Variants in DNAH3 observed in about 807,000 individuals in gnomAD.
DNAH3 encodes dynein axonemal heavy chain 3.
A neutral mutation model predicts 432.5 loss-of-function variants in DNAH3; 332 were observed. That is an observed-to-expected ratio of 0.77 (90% confidence interval 0.70 to 0.84). The LOEUF is 0.84. DNAH3 is among the 40% of genes least tolerant of loss of function. The pLI, the probability that DNAH3 is intolerant of heterozygous loss-of-function variation, is 0.00. For missense variants in DNAH3, 4,861 were observed against 5,114.0 expected (o/e 0.95, Z 1.51); for synonymous variants, 1,956 against 1,900.2 (o/e 1.03, Z -0.76).
intron 37 of DNAH3, among the ~76,000 whole-genome samples, chr16:21,029,502 C>G (rs9922592): frequency 0.24 from 36,319 of 151,972 alleles, 4,546 homozygotes; most frequent in Admixed American, 0.31. Context: ...ATAAGGTAGA[C>G]GCTATCGTCC....
Position 20,977,220 on chromosome 16 carries a change from C to T in DNAH3, c.8077-1805G>A, listed in dbSNP as rs112825738. On this transcript the variant is annotated intron_variant, in intron 50 of 61. Transcript: ENST00000261383. ...GGAGAAACCCTGTCCCTACTAAAAA[C>T]GCAAAAATTAGCCAGGCGCTGTGGC... Among the ~76,000 whole-genome samples, 306 of 152,078 alleles carry T rather than the reference C, an allele frequency of 2.0e-3. 1 individual carries two copies. Among genetic ancestry groups the T allele is most frequent in the African/African-American group, 5.6e-3 (233 of 41,476 alleles).
exon 30 of DNAH3, chr16:21,049,997 C>A: frequency 6.2e-7 from 1 of 1,614,138 alleles, no homozygotes; most frequent in Non-Finnish European, 8.5e-7. Flanking sequence ...CAAGGTTCAG[C>A]TTCAAAGCTC....
chr16:21,075,612 C>T (rs779575909), intron 20 of DNAH3, 51 bp from the exon 21 acceptor site: 2 of 1,426,536 alleles, frequency 1.4e-6, no homozygotes, highest in Admixed American at 1.7e-5. Flanking sequence ...AGAGAAGACA[C>T]ATCAAAGGAG....
At chr16:21,046,771 C>T (rs892829298) in intron 31 of DNAH3, among the ~76,000 whole-genome samples, 28 of 152,002 alleles carry the variant, frequency 1.8e-4, no homozygotes, top group African/African-American at 5.8e-4. Context: ...TTCCTAGTCT[C>T]GATGGTCTTT....
exon 59 of DNAH3, chr16:20,941,541 T>A: frequency 1.2e-6 from 2 of 1,613,978 alleles, no homozygotes; most frequent in Non-Finnish European, 1.7e-6. Context: ...CCTCAACCAC[T>A]TCCTTAAAAT....
In DNAH3 at chr16:21,058,237, T is replaced by C. The variant is rs747550421; in HGVS notation, c.3814-41A>G. 4 of 1,300,372 alleles carry C rather than the reference T, an allele frequency of 3.1e-6. No individual in the cohort carries two copies. In the African/African-American group the frequency reaches 4.4e-5, roughly 14 times the overall value. 80.6% of individuals were successfully genotyped at this position (1,300,372 alleles called of 1,614,324 possible). A position where few individuals can be genotyped will look rare whatever the true frequency, so the allele number is the denominator to read the frequency against. On this transcript the variant is annotated intron_variant, in intron 26 of 61. Coordinates refer to ENST00000261383, the Ensembl canonical transcript of DNAH3. ...GGGCATGTTATAGGATCAGTTCACG[T>C]GTGGTTTAAACTGAGTTTACGAAAA...
At chr16:21,002,827 T>A (rs1314249123) in intron 42 of DNAH3, among the ~76,000 whole-genome samples, 1 of 152,162 alleles carries the variant, frequency 6.6e-6, no homozygotes, top group African/African-American at 2.4e-5. Flanking sequence ...GCCCCTAGCA[T>A]GTGCCATGTG....
At chr16:21,003,033 T>C in intron 42 of DNAH3, 71 bp downstream of exon 42, 1 of 1,047,408 alleles carries the variant, frequency 9.5e-7, no homozygotes, top group East Asian at 2.4e-5. Flanking sequence ...AGACTGTTAA[T>C]TCTTCCACCT....
chr16:21,037,723 G>A (rs748484915), intron 34 of DNAH3, 38 bp downstream of exon 34: 8 of 1,565,824 alleles, frequency 5.1e-6, no homozygotes, highest in Non-Finnish European at 6.2e-6. Flanking sequence ...CCAACATTGA[G>A]CCTTGGTCCT....
chr16:20,988,018 C>T (rs1233617884), exon 45 of DNAH3: 6 of 1,614,028 alleles, frequency 3.7e-6, no homozygotes, highest in Non-Finnish European at 4.2e-6. Flanking sequence ...AAAATGTCAT[C>T]CTCAAAGGCA....
At chr16:20,984,953 C>G in intron 48 of DNAH3, 96 bp downstream of exon 48, 1 of 1,104,964 alleles carries the variant, frequency 9.1e-7, no homozygotes. Flanking sequence ...CTGAATCAAC[C>G]CTGGGACCAT....
At chr16:20,972,392 A>C (rs537585473) in intron 51 of DNAH3, among the ~76,000 whole-genome samples, 4 of 151,928 alleles carry the variant, frequency 2.6e-5, no homozygotes, top group Admixed American at 6.6e-5. Context: ...GCACCTGACC[A>C]ATTTTTTTCT....
rs376307287 is a variant in DNAH3 at position 21,074,336 on chromosome 16, G to A, written c.3084+1111C>T. ...TACAGATGCCCAGGCATTCTGGGAGGGGAGGAGCCAGGAAGAATCCATTGG... is the reference window on the plus strand; with the variant it reads ...TACAGATGCCCAGGCATTCTGGGAGAGGAGGAGCCAGGAAGAATCCATTGG... On this transcript the variant is annotated intron_variant, in intron 21 of 61. Transcript: ENST00000261383. Among the ~76,000 whole-genome samples the A allele has an allele frequency of 1.2e-4, 18 of 152,264 alleles. No homozygotes were observed. In the South Asian group the frequency reaches 3.1e-3, roughly 26 times the overall value.
At chr16:21,048,608 C>T (rs2089819834) in intron 31 of DNAH3, among the ~76,000 whole-genome samples, 1 of 152,178 alleles carries the variant, frequency 6.6e-6, no homozygotes, top group Admixed American at 6.5e-5. Context: ...CCCGGTACCT[C>T]AGATGGAAAT....
intron 41 of DNAH3, among the ~76,000 whole-genome samples, chr16:21,006,913 A>T (rs1055651068): frequency 6.6e-6 from 1 of 152,028 alleles, no homozygotes. Flanking sequence ...AGCTCAAGTG[A>T]TCTGCTCACA....
chr16:21,051,977 C>CTATTTTATTT (rs139853718), intron 28 of DNAH3, 109 bp from the exon 29 acceptor site: 31 of 816,424 alleles, frequency 3.8e-5, no homozygotes, highest in South Asian at 2.4e-4. Flanking sequence ...ATTCTCCAAA[C>CTATTTTATTT]TATTTTATTT....
chr16:21,106,715 A>G, intron 14 of DNAH3, 41 bp from the exon 15 acceptor site: 1 of 1,357,274 alleles, frequency 7.4e-7, no homozygotes, highest in South Asian at 2.1e-5. Flanking sequence ...CATCATCATC[A>G]CCATCATCAC....
intron 41 of DNAH3, among the ~76,000 whole-genome samples, chr16:21,013,362 T>TAAAAA (rs950632364): frequency 6.9e-6 from 1 of 144,310 alleles, no homozygotes; most frequent in African/African-American, 2.5e-5. Context: ...TCCCATCTGT[T>TAAAAA]AAAAAAAAAA....
chr16:20,983,258 T>G (rs1480159496), intron 48 of DNAH3, among the ~76,000 whole-genome samples: 2 of 152,156 alleles, frequency 1.3e-5, no homozygotes, highest in African/African-American at 4.8e-5. Flanking sequence ...CCTGAGTAGC[T>G]GGGACTATAG....
Sources: allele counts gnomAD v4.1 joint callset (sites outside exome capture counted in the v4.1 genomes callset), GRCh38; gene constraint gnomAD v4.1.1; transcripts MANE v1.5; gene names NCBI Gene and HGNC (gene_info 2026-07-23, HGNC 2026-07-21).